The following CTDSP1 variants were observed in gnomAD, a reference collection of about 807,000 sequenced individuals.
CTDSP1 encodes the protein carboxy-terminal domain RNA polymerase II polypeptide A small phosphatase 1.
Under a neutral mutation model 32.5 loss-of-function variants are expected in CTDSP1, and 15 were observed. The observed-to-expected ratio is 0.46, with a 90% CI of 0.31 to 0.71. The LOEUF is 0.71. Among genes scored for constraint, CTDSP1 ranks in the 30% least tolerant of loss-of-function variants. The pLI is 0.05. For missense variants in CTDSP1, 294 were observed against 351.1 expected, an observed-to-expected ratio of 0.84 and a Z score of 1.30; for synonymous variants, 185 against 145.4, an observed-to-expected ratio of 1.27 and a Z score of -1.96.
chr2:218,402,302 G>A (rs758302524), intron 3 of CTDSP1, 47 bp from the exon 4 acceptor site: 3 of 1,613,460 alleles, frequency 1.9e-6, no homozygotes, highest in East Asian at 2.2e-5. Flanking sequence ...TGGACCCCAT[G>A]CCCTGGGGCT....
chr2:218,400,090 C>T lies in CTDSP1; in HGVS notation c.-1C>T, dbSNP rs566992143. 4 of 1,526,374 alleles carry T rather than the reference C, an allele frequency of 2.6e-6. No homozygotes were observed. Among genetic ancestry groups the T allele is most frequent in the East Asian group, 2.6e-5 (1 of 38,714 alleles). 94.6% of individuals were successfully genotyped at this position (1,526,374 alleles called of 1,614,324 possible). ...GGCCGGAGCGGAGCGCGCCCGGCCCCATGGACAGCTCGGCCGTCATTACTC... is the reference window on the plus strand; with the variant it reads ...GGCCGGAGCGGAGCGCGCCCGGCCCTATGGACAGCTCGGCCGTCATTACTC... On this transcript the variant is annotated 5_prime_UTR_variant, in exon 1 of 7. Transcript: ENST00000273062.
At chr2:218,397,480 G>A (rs1256026838), upstream of CTDSP1, among the ~76,000 whole-genome samples, 2 of 152,158 alleles carry the variant, frequency 1.3e-5, no homozygotes, top group Non-Finnish European at 2.9e-5. Flanking sequence ...GCCTCCCCCT[G>A]GGTTGGGCTT....
At chr2:218,399,571 C>T, upstream of CTDSP1, 1 of 217,802 alleles carries the variant, frequency 4.6e-6, no homozygotes, top group Non-Finnish European at 7.8e-6. Context: ...CACTCGGGCA[C>T]TCCCCGGCGT....
In CTDSP1 at chr2:218,404,672, G is replaced by A; in HGVS notation, c.*247G>A. 2.2e-6 allele frequency: 1 copy of A among 455,910 alleles called. No individual in the cohort carries two copies. The highest frequency in any genetic ancestry group is 3.9e-6 in the Non-Finnish European group (1 of 257,210). The allele number at this position is 455,910 out of a possible 1,614,324, so 28.2% of individuals were successfully genotyped here. Reference sequence around the variant, plus strand: ...CTCCCCTATTCTCAGGGGACCTGGGGGGCCCTGCCTGCTGCTCCCTTTTTC... The same window carrying A: ...CTCCCCTATTCTCAGGGGACCTGGGAGGCCCTGCCTGCTGCTCCCTTTTTC... On this transcript the variant is annotated 3_prime_UTR_variant, in exon 7 of 7. Coordinates refer to ENST00000273062, the MANE Select transcript of CTDSP1 (RefSeq NM_021198.3).
At chr2:218,399,686 CGG>C (rs1696999087), upstream of CTDSP1, 1 of 963,084 alleles carries the variant, frequency 1.0e-6, no homozygotes, top group East Asian at 1.1e-4. Context: ...GCCCCGCCGG[CGG>C]GCGGCAGGAA....
At position 218,401,582 on chromosome 2, in the gene CTDSP1, C is replaced by G; in HGVS notation, c.86C>G (p.Ala29Gly). 13 of 1,613,964 alleles carry G rather than the reference C, an allele frequency of 8.1e-6. No homozygotes were observed. The highest frequency in any genetic ancestry group is 1.1e-5 in the Non-Finnish European group (13 of 1,179,936). The stretch of plus-strand genomic sequence containing the variant: ...ACTTCAGGTGACCAGAAGTCAGCAG[C>G]TTCCCAGAAGCCCCGAAGCCGGGGC... ...LRGKGDQKSA[A>G]SQKPRSRGIL... is the part of the protein sequence containing the mutation. Residue 29 changes from alanine to glycine, a missense_variant, in exon 2 of 7, where the codon GCT becomes GGT. Around this residue, in one of 2 missense-constraint regions of CTDSP1, gnomAD observed 148 missense variants for 113.3 expected, o/e 1.31. Transcript: ENST00000273062.
Position 218,403,117 on chromosome 2 carries a change from G to C in CTDSP1, c.461G>C (p.Ser154Thr). 6.2e-7 allele frequency: 1 copy of C among 1,614,182 alleles called. No homozygotes were observed. ...ELFECVLFTA[S>T]LAKYADPVAD... ...TTTGAATGTGTGCTGTTCACTGCTAGCCTCGCCAAGGTGAGCCCCACAGGG... is the reference window on the plus strand; with the variant it reads ...TTTGAATGTGTGCTGTTCACTGCTACCCTCGCCAAGGTGAGCCCCACAGGG... Residue 154 changes from serine to threonine, a missense_variant, in exon 5 of 7, where the codon AGC becomes ACC. Physicochemically the swap from Ser to Thr is moderately conservative, Grantham distance 58 (BLOSUM62 1). Transcript: ENST00000273062.
chr2:218,399,825 C>T, upstream of CTDSP1: 1 of 1,190,204 alleles, frequency 8.4e-7, no homozygotes. Context: ...AGCCGTTGCC[C>T]TTTTAAGGGG....
chr2:218,399,649 G>A (rs1040985510), upstream of CTDSP1: 3 of 842,490 alleles, frequency 3.6e-6, no homozygotes, highest in African/African-American at 5.5e-5. Flanking sequence ...CCGGGTGCCG[G>A]GCCTGCCACG....
At chr2:218,399,637 A>G (rs1696995203), upstream of CTDSP1, 2 of 774,162 alleles carry the variant, frequency 2.6e-6, no homozygotes, top group Non-Finnish European at 3.1e-6. Context: ...TGGAACGGTG[A>G]GCCGGGTGCC....
chr2:218,399,780 T>G (rs540824794), upstream of CTDSP1: 77 of 1,072,448 alleles, frequency 7.2e-5, 1 homozygote, highest in South Asian at 3.0e-3. Context: ...GTCCCAGAAG[T>G]GGCGAAAGCC....
chr2:218,399,999 C>T lies in CTDSP1; in HGVS notation c.-92C>T, dbSNP rs1310297370. ...CGGGGATCCCTCCCTCCCACCCCTC[C>T]CCTCCCCCCCGCGCCCCGATTCCGG... On this transcript the variant is annotated 5_prime_UTR_variant, in exon 1 of 7. Coordinates refer to ENST00000273062, the MANE Select transcript of CTDSP1 (RefSeq NM_021198.3). 11 of 1,271,608 alleles carry T rather than the reference C, an allele frequency of 8.7e-6. No homozygotes were observed. Among genetic ancestry groups the T allele is most frequent in the East Asian group, 3.3e-5 (1 of 30,094 alleles). 78.8% of individuals were successfully genotyped at this position (1,271,608 alleles called of 1,614,324 possible). A position where few individuals can be genotyped will look rare whatever the true frequency, so the allele number is the denominator to read the frequency against.
intron 2 of CTDSP1, 152 bp from the exon 3 acceptor site, chr2:218,401,959 C>A: frequency 1.4e-6 from 1 of 693,280 alleles, no homozygotes. Flanking sequence ...CCTACCCAAG[C>A]CCTAGAGCTG....
At position 218,400,838 on chromosome 2, in the gene CTDSP1, G is replaced by T. The variant is rs755908149; in HGVS notation, c.67+681G>T. 15 of 455,302 alleles carry T rather than the reference G, an allele frequency of 3.3e-5. 1 individual carries two copies. In the East Asian group the frequency reaches 3.5e-4, roughly 11 times the overall value. The allele number at this position is 455,302 out of a possible 1,614,324, so 28.2% of individuals were successfully genotyped here. ...TCCCCCAGCGTGGCTGGGCCGGGGTGGGGGGGTCTGTCTTCTCCTTTTCCC... is the reference window on the plus strand; with the variant it reads ...TCCCCCAGCGTGGCTGGGCCGGGGTTGGGGGGTCTGTCTTCTCCTTTTCCC... On this transcript the variant is annotated intron_variant, in intron 1 of 6. Transcript: ENST00000273062.
Position 218,405,079 on chromosome 2 carries a change from C to T in CTDSP1, c.*654C>T, listed in dbSNP as rs1697343791. The T allele has an allele frequency of 6.5e-6, 1 of 152,924 alleles. No individual in the cohort carries two copies. Among genetic ancestry groups the T allele is most frequent in the Non-Finnish European group, 1.5e-5 (1 of 68,160 alleles). 9.5% of individuals were successfully genotyped at this position (152,924 alleles called of 1,614,324 possible). ...AGGGCTGCTCCCTGCATCATCCAAGCAATGACCTCAGACTTCTGCCTTAAC... is the reference window on the plus strand; with the variant it reads ...AGGGCTGCTCCCTGCATCATCCAAGTAATGACCTCAGACTTCTGCCTTAAC... On this transcript the variant is annotated 3_prime_UTR_variant, in exon 7 of 7. Coordinates refer to ENST00000273062, the MANE Select transcript of CTDSP1 (RefSeq NM_021198.3).
intron 1 of CTDSP1, 138 bp downstream of exon 1, chr2:218,400,295 G>A (rs963434812): frequency 9.5e-5 from 77 of 806,614 alleles, no homozygotes; most frequent in Non-Finnish European, 1.4e-4. Context: ...GCCCGAGAGG[G>A]AGCAGGGAGA....
upstream of CTDSP1, among the ~76,000 whole-genome samples, chr2:218,397,994 G>C (rs371825994): frequency 6.6e-6 from 1 of 152,208 alleles, no homozygotes; most frequent in East Asian, 1.9e-4. Context: ...GCTCAGGATG[G>C]CGCGTCTGGG....
In CTDSP1 at chr2:218,404,625, C is replaced by T. The variant is rs1030398883; in HGVS notation, c.*200C>T. ...ACTGAGGACCGTGAGCTCCAGGCCCCGTGTCAGTGCCTTCAAACCTCCTCC... is the reference window on the plus strand; with the variant it reads ...ACTGAGGACCGTGAGCTCCAGGCCCTGTGTCAGTGCCTTCAAACCTCCTCC... On this transcript the variant is annotated 3_prime_UTR_variant, in exon 7 of 7. Coordinates refer to ENST00000273062, the MANE Select transcript of CTDSP1 (RefSeq NM_021198.3). 2.0e-4 allele frequency: 118 copies of T among 585,008 alleles called. No homozygotes were observed. Among genetic ancestry groups the T allele is most frequent in the Admixed American group, 3.0e-4 (9 of 30,282 alleles). The allele number at this position is 585,008 out of a possible 1,614,324, so 36.2% of individuals were successfully genotyped here. A position where few individuals can be genotyped will look rare whatever the true frequency, so the allele number is the denominator to read the frequency against.
At chr2:218,398,314 A>G (rs1018957564), upstream of CTDSP1, 56 of 1,103,662 alleles carry the variant, frequency 5.1e-5, no homozygotes, top group East Asian at 3.5e-4. Flanking sequence ...ATGGGTTAAG[A>G]AGGAGGCCGT....
Sources: allele counts gnomAD v4.1 joint callset (sites outside exome capture counted in the v4.1 genomes callset), GRCh38; gene constraint gnomAD v4.1.1; regional missense constraint gnomAD v4.1.1; transcripts MANE v1.5; gene names NCBI Gene and HGNC (gene_info 2026-07-23, HGNC 2026-07-21).